Variants in TYW5 observed in about 807,000 individuals in gnomAD.
TYW5 encodes tRNA-yW synthesizing protein 5.
A neutral mutation model predicts 44.4 loss-of-function variants in TYW5; 36 were observed. The ratio of observed to expected loss-of-function variants is 0.81; its 90% confidence interval spans 0.62 to 1.07. The LOEUF (loss-of-function observed/expected upper bound fraction) is 1.07, where lower values mean the gene tolerates loss of function less well. TYW5 is among the 50% of genes least tolerant of loss of function. The pLI is 0.00. For missense variants in TYW5, 354 were observed against 365.7 expected (o/e 0.97, Z 0.26); for synonymous variants, 121 against 128.1 (o/e 0.94, Z 0.37).
chr2:199,945,822 C>T (rs1574805115), intron 2 of TYW5: 1 of 152,250 alleles, frequency 6.6e-6, no homozygotes, highest in East Asian at 1.9e-4. Flanking sequence ...GCAACCTTTT[C>T]TCCTAGGTAA....
chr2:199,935,468 G>C (rs182038737), intron 7 of TYW5, among the ~76,000 whole-genome samples: 13 of 151,732 alleles, frequency 8.6e-5, no homozygotes, highest in Non-Finnish European at 1.3e-4. Context: ...TCAGCCTCCC[G>C]AGCAGCTGGG....
chr2:199,936,003 T>C lies in TYW5; in HGVS notation c.619A>G (p.Lys207Glu). The C allele has an allele frequency of 6.2e-7, 1 of 1,613,264 alleles. No individual in the cohort carries two copies. Among genetic ancestry groups the C allele is most frequent in the South Asian group, 1.1e-5 (1 of 91,048 alleles). ...CTAGCCTTGGAAAAAAGTGGATATT[T>C]AGCCAAGTCTGGGTTATCTATATTC... ...VLNIDNPDLA[K>E]YPLFSKARRY... Residue 207 changes from lysine to glutamate, a missense_variant, in exon 7 of 8, where the codon AAA becomes GAA. Transcript: ENST00000354611.
intron 1 of TYW5, among the ~76,000 whole-genome samples, chr2:199,951,762 A>G (rs183114025): frequency 7.2e-5 from 11 of 152,164 alleles, no homozygotes; most frequent in Admixed American, 2.6e-4. Context: ...CACGCTTGTA[A>G]TCCCAGCACT....
chr2:199,937,280 C>T (rs976501756), intron 5 of TYW5, among the ~76,000 whole-genome samples: 11 of 152,060 alleles, frequency 7.2e-5, no homozygotes, highest in African/African-American at 2.7e-4. Context: ...TTCAAACTAG[C>T]GTTCCTCTGA....
At chr2:199,947,392 C>G (rs937128102) in intron 2 of TYW5, 2 of 152,190 alleles carry the variant, frequency 1.3e-5, no homozygotes, top group Non-Finnish European at 2.9e-5. Context: ...TGCAAGATGA[C>G]AGCATTTAAA....
intron 2 of TYW5, chr2:199,944,068 G>A: frequency 2.6e-6 from 1 of 377,874 alleles, no homozygotes. Context: ...CAAAATCTAT[G>A]ATACAGATGA....
At position 199,933,102 on chromosome 2, in the gene TYW5, T is replaced by TATTC; in HGVS notation, c.912_913insGAAT (p.Ile305GlufsTer12). On this transcript the variant is annotated frameshift_variant, in exon 8 of 8. Transcript: ENST00000354611. LOFTEE classifies it high-confidence loss of function. The stretch of plus-strand genomic sequence containing the variant: ...TTCTTGCTGTAGGCTTTGTCTTGAA[T>TATTC]GTGTAGGACCATTCGTCGTGCATAG... 1 of 1,613,844 alleles carries TATTC rather than the reference T, an allele frequency of 6.2e-7. No homozygotes were observed. Among genetic ancestry groups the TATTC allele is most frequent in the East Asian group, 2.2e-5 (1 of 44,876 alleles).
intron 1 of TYW5, 152 bp downstream of exon 1, chr2:199,955,241 T>C: frequency 1.3e-6 from 1 of 786,414 alleles, no homozygotes; most frequent in Non-Finnish European, 2.0e-6. Context: ...CGTGCACCTT[T>C]CCCTTGGTCT....
At chr2:199,935,733 C>T (rs1367440588) in intron 7 of TYW5, among the ~76,000 whole-genome samples, 198 bp downstream of exon 7, 1 of 129,962 alleles carries the variant, frequency 7.7e-6, no homozygotes. Flanking sequence ...CACACACACA[C>T]ACACACACAC....
chr2:199,948,036 G>A (rs1447228750), intron 2 of TYW5: 1 of 281,550 alleles, frequency 3.6e-6, no homozygotes. Context: ...AGGTTGCAGT[G>A]AGCCAAAATC....
At position 199,931,368 on chromosome 2, in the gene TYW5, C is replaced by T. The variant is rs973859743; in HGVS notation, c.*1699G>A. On this transcript the variant is annotated 3_prime_UTR_variant, in exon 8 of 8. Coordinates refer to ENST00000354611, the MANE Select transcript of TYW5 (RefSeq NM_001039693.3). ...ACTGTAATCTGTTTTATTAATACTTCCAAGTTTTCTACATGACTCTGGATT... is the reference window on the plus strand; with the variant it reads ...ACTGTAATCTGTTTTATTAATACTTTCAAGTTTTCTACATGACTCTGGATT... 6.6e-6 allele frequency: 1 copy of T among 152,100 alleles called. No individual in the cohort carries two copies. Among genetic ancestry groups the T allele is most frequent in the Non-Finnish European group, 1.5e-5 (1 of 68,006 alleles). The allele number at this position is 152,100 out of a possible 1,614,324, so 9.4% of individuals were successfully genotyped here.
chr2:199,941,944 A>G (rs1482229621), intron 3 of TYW5: 1 of 152,226 alleles, frequency 6.6e-6, no homozygotes, highest in Non-Finnish European at 1.5e-5. Context: ...GAGTTCCAGG[A>G]TGAGTTGGCA....
intron 1 of TYW5, 89 bp downstream of exon 1, chr2:199,955,304 G>C: frequency 6.9e-7 from 1 of 1,446,292 alleles, no homozygotes; most frequent in Non-Finnish European, 9.4e-7. Flanking sequence ...CACACCCTGG[G>C]TCTCTAAAAA....
rs1298388595 is a variant in TYW5, at chr2:199,931,993, TTAAC to T, written c.*1070_*1073del. The stretch of plus-strand genomic sequence containing the variant: ...GGTGGAAAAAATAGTTGGGAAATCT[TTAAC>T]TAGGCTAAGGTTTAGACATAGGTAT... On this transcript the variant is annotated 3_prime_UTR_variant, in exon 8 of 8. Coordinates refer to ENST00000354611, the MANE Select transcript of TYW5 (RefSeq NM_001039693.3). 5 of 148,398 alleles carry T rather than the reference TTAAC, an allele frequency of 3.4e-5. No homozygotes were observed. Among genetic ancestry groups the T allele is most frequent in the South Asian group, 4.4e-4 (2 of 4,560 alleles). 9.2% of individuals were successfully genotyped at this position (148,398 alleles called of 1,614,324 possible).
chr2:199,953,589 G>C (rs937320916), intron 1 of TYW5, among the ~76,000 whole-genome samples: 1 of 152,122 alleles, frequency 6.6e-6, no homozygotes, highest in Non-Finnish European at 1.5e-5. Flanking sequence ...ATAGGAATAG[G>C]TATTTCTGCA....
intron 1 of TYW5, 112 bp downstream of exon 1, chr2:199,955,281 T>A: frequency 1.6e-6 from 2 of 1,244,118 alleles, no homozygotes; most frequent in South Asian, 2.8e-5. Context: ...GCTGCCGTCC[T>A]GCGCCTCTTT....
chr2:199,955,442 C>T lies in TYW5; in HGVS notation c.29G>A (p.Arg10Gln), dbSNP rs1249299652. MAGQHLPVP[R>Q]LEGVSREQFM... ...CTGCTCCCGAGAAACGCCCTCCAGC[C>T]GGGGTACCGGGAGGTGCTGCCCGGC... The change falls in exon 1 of 8, where the codon CGG becomes CAG. Residue 10 changes from arginine (R) to glutamine (Q), a missense_variant. Physicochemically the swap from Arg to Gln is conservative, Grantham distance 43. Transcript: ENST00000354611. 1.2e-6 allele frequency: 2 copies of T among 1,613,804 alleles called. No homozygotes were observed. The highest frequency in any genetic ancestry group is 1.1e-5 in the South Asian group (1 of 91,020).
In TYW5 at chr2:199,939,293, G is replaced by A. The variant is rs746086858; in HGVS notation, c.349-223C>T. The stretch of plus-strand genomic sequence containing the variant: ...TAATTTTTGTATTTTTAGTGGAGAC[G>A]GGATTCCCCATGTTGGCCAGGCTGG... On this transcript the variant is annotated intron_variant, in intron 4 of 7. Transcript: ENST00000354611. Among the ~76,000 whole-genome samples the A allele has an allele frequency of 1.5e-4, 23 of 152,038 alleles. No individual in the cohort carries two copies. In the South Asian group the frequency reaches 1.7e-3, roughly 11 times the overall value.
At chr2:199,952,195 T>C (rs2077550988) in intron 1 of TYW5, among the ~76,000 whole-genome samples, 1 of 152,150 alleles carries the variant, frequency 6.6e-6, no homozygotes, top group Non-Finnish European at 1.5e-5. Flanking sequence ...ACAGTAACAC[T>C]ACGTAAATAT....
Sources: gnomAD v4.1 joint callset for allele counts (sites outside exome capture counted in the v4.1 genomes callset) on GRCh38, gnomAD v4.1.1 for gene constraint, MANE v1.5 for transcripts, NCBI Gene and HGNC (gene_info 2026-07-23, HGNC 2026-07-21) for gene names.